DLC1: variants seen among roughly 807,000 people sequenced by gnomAD.
DLC1 encodes the protein rho GTPase-activating protein 7.
In DLC1, 54 loss-of-function variants were observed where a neutral mutation model predicts 140.3. That is an observed-to-expected ratio of 0.38 (90% CI 0.31 to 0.48). The LOEUF (loss-of-function observed/expected upper bound fraction) is 0.48, where lower values mean the gene tolerates loss of function less well. Among genes scored for constraint, DLC1 ranks in the 20% least tolerant of loss-of-function variants. The pLI is 0.96. For missense variants in DLC1, 2,536 were observed against 1,907.0 expected (o/e 1.33, Z -6.14); for synonymous variants, 986 against 728.1 (o/e 1.35, Z -5.70).
Position 13,110,784 on chromosome 8 carries a change from T to C in DLC1, c.1460A>G (p.Glu487Gly), listed in dbSNP as rs1293487100. 1.2e-6 allele frequency: 2 copies of C among 1,613,948 alleles called. No individual in the cohort carries two copies. Among genetic ancestry groups the C allele is most frequent in the Non-Finnish European group, 1.7e-6 (2 of 1,180,020 alleles). Residue 487 changes from glutamate (E) to glycine (G), a missense_variant, in exon 7 of 18, where the codon GAG (glutamate) becomes GGG (glycine). Coordinates refer to ENST00000276297, the MANE Select transcript of DLC1 (RefSeq NM_182643.3). ...FPIDISLVKR[E>G]HDFLDRDAIE... is the part of the protein sequence containing the mutation. The stretch of plus-strand genomic sequence containing the variant: ...GGCATCTCTGTCCAAAAAATCATGC[T>C]CTCTCTTGACCAAGGAAATATCGAT...
intron 4 of DLC1, among the ~76,000 whole-genome samples, chr8:13,388,485 A>G (rs973992807): frequency 1.3e-5 from 2 of 152,056 alleles, no homozygotes; most frequent in African/African-American, 4.8e-5. Context: ...AAAGTTTTAT[A>G]CATAATTAAT....
At position 13,395,054 on chromosome 8, in the gene DLC1, A is replaced by T. The variant is rs533381593; in HGVS notation, c.1174-1361T>A. The stretch of plus-strand genomic sequence containing the variant: ...TCTATCATCTATCTATCTATCTATT[A>T]GGTACCTATCTACCATCTATAAATT... On this transcript the variant is annotated intron_variant, in intron 3 of 17. Transcript: ENST00000276297. 5.1e-3 allele frequency among the ~76,000 whole-genome samples: 713 copies of T among 141,136 alleles called. 5 individuals are homozygous for T. Among genetic ancestry groups the T allele is most frequent in the South Asian group, 0.013 (54 of 4,160 alleles). 92.6% of individuals were successfully genotyped at this position (141,136 alleles called of 152,430 possible). A position where few individuals can be genotyped will look rare whatever the true frequency, so the allele number is the denominator to read the frequency against.
At chr8:13,394,437 T>C (rs1254129416) in intron 3 of DLC1, among the ~76,000 whole-genome samples, 2 of 152,128 alleles carry the variant, frequency 1.3e-5, no homozygotes, top group African/African-American at 4.8e-5. Context: ...TAGTGTGAGG[T>C]CAAGACATGT....
At chr8:13,511,348 G>C (rs1325925014) in intron 1 of DLC1, among the ~76,000 whole-genome samples, 1 of 150,846 alleles carries the variant, frequency 6.6e-6, no homozygotes. Context: ...TTGAGTCACT[G>C]TTTAATCTTT....
intron 5 of DLC1, among the ~76,000 whole-genome samples, chr8:13,229,651 AAGAG>A (rs201386292): frequency 3.9e-4 from 59 of 150,628 alleles, no homozygotes; most frequent in Non-Finnish European, 6.7e-4. Context: ...GAGAGAGAGA[AAGAG>A]AGAGAGAGAG....
At chr8:13,594,518 G>A (rs1805623457) in intron 1 of DLC1, among the ~76,000 whole-genome samples, 2 of 152,038 alleles carry the variant, frequency 1.3e-5, no homozygotes, top group African/African-American at 4.8e-5. Flanking sequence ...AATACCACAA[G>A]TCTGGGCTTT....
At chr8:13,377,916 A>T (rs1482515358) in intron 4 of DLC1, among the ~76,000 whole-genome samples, 4 of 151,684 alleles carry the variant, frequency 2.6e-5, no homozygotes, top group African/African-American at 9.7e-5. Context: ...AAACAAAAAC[A>T]GGAAAACAAA....
rs17800715 is a variant in DLC1, at chr8:13,309,553, G to A, written c.1315-4251C>T. On this transcript the variant is annotated intron_variant, in intron 4 of 17. Transcript: ENST00000276297. ...AACAATTTGCTTTCTTCTAATGAGAGCTTTTAAAGCTATATGTGGGAGCTT... is the reference window on the plus strand; with the variant it reads ...AACAATTTGCTTTCTTCTAATGAGAACTTTTAAAGCTATATGTGGGAGCTT... 2.7e-3 allele frequency among the ~76,000 whole-genome samples: 406 copies of A among 152,228 alleles called. 1 individual carries two copies. Among genetic ancestry groups the A allele is most frequent in the African/African-American group, 9.4e-3 (392 of 41,548 alleles).
At chr8:13,271,457 A>G (rs1830927917) in intron 5 of DLC1, among the ~76,000 whole-genome samples, 1 of 152,220 alleles carries the variant, frequency 6.6e-6, no homozygotes, top group Non-Finnish European at 1.5e-5. Flanking sequence ...TCATTTTGCT[A>G]GTGAATTGGA....
rs114393900 is a variant in DLC1 at position 13,473,501 on chromosome 8, G to C, written c.1023+25548C>G. ...GGTACCAGTAGAGCGGGGTGCTGCT[G>C]TATATACCCAAAAATGTGGAAACAT... is the stretch of plus-strand genomic sequence containing the variant. On this transcript the variant is annotated intron_variant, in intron 2 of 17. Transcript: ENST00000276297. Among the ~76,000 whole-genome samples the C allele has an allele frequency of 3.5e-3, 526 of 152,242 alleles. 3 individuals are homozygous for C. Among genetic ancestry groups the C allele is most frequent in the African/African-American group, 0.012 (513 of 41,550 alleles).
chr8:13,097,909 C>T (rs369625779), intron 10 of DLC1, among the ~76,000 whole-genome samples: 8 of 151,698 alleles, frequency 5.3e-5, no homozygotes, highest in Non-Finnish European at 1.0e-4. Flanking sequence ...GAGTGGCTGG[C>T]GTGGTGGCTC....
intron 4 of DLC1, among the ~76,000 whole-genome samples, chr8:13,334,081 G>A (rs1049208729): frequency 1.3e-5 from 2 of 151,874 alleles, no homozygotes; most frequent in Non-Finnish European, 2.9e-5. Flanking sequence ...ATGGTGGAGA[G>A]CGAGGGATGC....
chr8:13,315,033 C>A (rs1832813020), intron 4 of DLC1, among the ~76,000 whole-genome samples: 1 of 152,180 alleles, frequency 6.6e-6, no homozygotes, highest in Admixed American at 6.5e-5. Context: ...TCTAATGAAA[C>A]TCATCACTTC....
At chr8:13,353,188 C>G (rs1834755454) in intron 4 of DLC1, among the ~76,000 whole-genome samples, 1 of 152,190 alleles carries the variant, frequency 6.6e-6, no homozygotes, top group Non-Finnish European at 1.5e-5. Flanking sequence ...CAGGTGAGGC[C>G]TGCCCTGCCC....
Position 13,499,101 on chromosome 8 carries a change from G to A in DLC1, c.971C>T (p.Thr324Ile). 6.2e-7 allele frequency: 1 copy of A among 1,613,988 alleles called. No individual in the cohort carries two copies. The highest frequency in any genetic ancestry group is 8.5e-7 in the Non-Finnish European group (1 of 1,179,960). ...DGMQCLQLKE[T>I]LATQEPTDNQ... is the part of the protein sequence containing the mutation. ...ATCTGTGGGTTCCTGGGTGGCCAGG[G>A]TCTCCTTTAATTGTAAACACTGCAT... Residue 324 changes from threonine (T) to isoleucine (I), a missense_variant, in exon 2 of 18, where the codon ACC becomes ATC. By Grantham distance (89) the Thr-to-Ile change is moderately conservative (BLOSUM62 -1). Coordinates refer to ENST00000276297, the MANE Select transcript of DLC1 (RefSeq NM_182643.3).
intron 1 of DLC1, among the ~76,000 whole-genome samples, chr8:13,550,724 T>C (rs1366011773): frequency 1.3e-5 from 2 of 152,098 alleles, no homozygotes; most frequent in Non-Finnish European, 2.9e-5. Context: ...ACGAATCATT[T>C]AAGAAGACCA....
intron 5 of DLC1, among the ~76,000 whole-genome samples, chr8:13,131,662 G>A (rs577837201): frequency 5.9e-4 from 90 of 152,246 alleles, no homozygotes; most frequent in African/African-American, 1.9e-3. Flanking sequence ...ATTGAACATC[G>A]GGAACAGGCA....
At position 13,463,009 on chromosome 8, in the gene DLC1, C is replaced by T. The variant is rs1799743276; in HGVS notation, c.1023+36040G>A. Among the ~76,000 whole-genome samples the T allele has an allele frequency of 2.0e-5, 3 of 152,260 alleles. No homozygotes were observed. The South Asian group carries it at 6.2e-4, about 32-fold the overall frequency. On this transcript the variant is annotated intron_variant, in intron 2 of 17. Coordinates refer to ENST00000276297, the MANE Select transcript of DLC1 (RefSeq NM_182643.3). ...CTTAAAACTTTGGAATCACAGGCAA[C>T]ATGCATCTGGCAATTTCAAACTGAA...
chr8:13,209,080 C>T (rs1043017673), intron 5 of DLC1, among the ~76,000 whole-genome samples: 4 of 152,052 alleles, frequency 2.6e-5, no homozygotes, highest in African/African-American at 9.7e-5. Context: ...TTCTAAAGCC[C>T]GTAGATGCCA....
Sources: allele counts gnomAD v4.1 joint callset (sites outside exome capture counted in the v4.1 genomes callset), GRCh38; gene constraint gnomAD v4.1.1; transcripts MANE v1.5; gene names NCBI Gene and HGNC (gene_info 2026-07-23, HGNC 2026-07-21).